The following PATJ variants were observed in gnomAD, a reference collection of about 807,000 sequenced individuals.
PATJ encodes PATJ crumbs cell polarity complex component.
PATJ carries 190 observed loss-of-function variants against 224.9 expected under a neutral mutation model. The observed-to-expected ratio is 0.84, with a 90% CI of 0.75 to 0.95. PATJ has a LOEUF of 0.95. PATJ is among the 40% of genes least tolerant of loss of function. PATJ has a pLI of 0.00. For synonymous variants in PATJ, 769 were observed against 820.3 expected (o/e 0.94, Z 1.07); for missense variants, 2,121 against 2,270.3 (o/e 0.93, Z 1.34).
In PATJ at chr1:61,869,167, C is replaced by T. The variant is rs373650777; in HGVS notation, c.2835+4534C>T. Among the ~76,000 whole-genome samples, 269 of 135,120 alleles carry T rather than the reference C, an allele frequency of 2.0e-3. 2 individuals are homozygous for T. Among genetic ancestry groups the T allele is most frequent in the African/African-American group, 7.0e-3 (236 of 33,590 alleles). 88.6% of individuals were successfully genotyped at this position (135,120 alleles called of 152,430 possible). On this transcript the variant is annotated intron_variant, in intron 20 of 43. Coordinates refer to ENST00000642238, the MANE Select transcript of PATJ (RefSeq NM_001350145.3). ...TGTCGCCCAGGCTGGAGTGCAGTGG[C>T]GCCATCTCGGCTCACTGCAAGCTCC...
intron 18 of PATJ, among the ~76,000 whole-genome samples, chr1:61,857,203 A>G: frequency 6.6e-6 from 1 of 152,274 alleles, no homozygotes; most frequent in African/African-American, 2.4e-5. Context: ...CACCACCACC[A>G]ACAACAAAAA....
intron 27 of PATJ, among the ~76,000 whole-genome samples, chr1:61,951,669 T>G (rs1679705750): frequency 6.6e-6 from 1 of 152,140 alleles, no homozygotes; most frequent in South Asian, 2.1e-4. Context: ...GAAAGCTAAC[T>G]TGAAGGCTTG....
At chr1:61,925,502 A>G (rs1454494814) in intron 26 of PATJ, among the ~76,000 whole-genome samples, 2 of 152,220 alleles carry the variant, frequency 1.3e-5, no homozygotes, top group Non-Finnish European at 2.9e-5. Context: ...AACTGGAAAT[A>G]AAAATCAGAG....
intron 27 of PATJ, among the ~76,000 whole-genome samples, chr1:61,977,854 G>A (rs943788423): frequency 1.4e-4 from 21 of 147,580 alleles, no homozygotes; most frequent in Non-Finnish European, 7.4e-5. Context: ...AATAGCCACT[G>A]TACTCTAGCC....
At position 61,980,413 on chromosome 1, in the gene PATJ, G is replaced by A. The variant is rs1028666640; in HGVS notation, c.3671-9755G>A. 3.3e-5 allele frequency among the ~76,000 whole-genome samples: 5 copies of A among 150,822 alleles called. 1 individual carries two copies. Among genetic ancestry groups the A allele is most frequent in the Non-Finnish European group, 5.9e-5 (4 of 67,842 alleles). On this transcript the variant is annotated intron_variant, in intron 27 of 43. Coordinates refer to ENST00000642238, the MANE Select transcript of PATJ (RefSeq NM_001350145.3). The stretch of plus-strand genomic sequence containing the variant: ...ATTATAACACTTTTGATATTTTGTT[G>A]CCAAAAGCTAGTACTTATATAATTT...
chr1:61,910,906 T>C (rs1402447058), intron 25 of PATJ, among the ~76,000 whole-genome samples: 1 of 152,184 alleles, frequency 6.6e-6, no homozygotes, highest in Non-Finnish European at 1.5e-5. Context: ...TTCATGTCTT[T>C]GTAAAATGGT....
intron 11 of PATJ, among the ~76,000 whole-genome samples, chr1:61,801,241 G>T (rs1209099705): frequency 6.6e-6 from 1 of 152,146 alleles, no homozygotes; most frequent in African/African-American, 2.4e-5. Context: ...TCCAGCACCT[G>T]TTGTTTCCTG....
intron 33 of PATJ, among the ~76,000 whole-genome samples, chr1:62,094,313 A>C (rs1661126749): frequency 6.6e-6 from 1 of 152,102 alleles, no homozygotes; most frequent in Admixed American, 6.6e-5. Context: ...AGGATTGTCT[A>C]AGTCTGGGAC....
intron 28 of PATJ, among the ~76,000 whole-genome samples, chr1:61,991,308 T>C (rs562752244): frequency 3.3e-5 from 5 of 152,312 alleles, no homozygotes; most frequent in African/African-American, 1.2e-4. Context: ...TAGGATTCAA[T>C]GGCAGGCAGT....
At chr1:62,058,798 G>A (rs1482452447) in intron 31 of PATJ, among the ~76,000 whole-genome samples, 2 of 152,144 alleles carry the variant, frequency 1.3e-5, no homozygotes, top group African/African-American at 4.8e-5. Flanking sequence ...GTGAAGATAA[G>A]TAAGACCGCT....
At chr1:61,925,532 G>A (rs1675064024) in intron 26 of PATJ, among the ~76,000 whole-genome samples, 1 of 152,080 alleles carries the variant, frequency 6.6e-6, no homozygotes, top group Non-Finnish European at 1.5e-5. Flanking sequence ...AAAAAGCAAA[G>A]TTTGTTGCCA....
At chr1:62,027,514 T>A in intron 29 of PATJ, among the ~76,000 whole-genome samples, 1 of 152,320 alleles carries the variant, frequency 6.6e-6, no homozygotes, top group South Asian at 2.1e-4. Flanking sequence ...ACAGTTATTC[T>A]ATTTTTAATT....
At chr1:61,791,004 G>A (rs1399152837) in intron 8 of PATJ, among the ~76,000 whole-genome samples, 1 of 152,128 alleles carries the variant, frequency 6.6e-6, no homozygotes, top group Non-Finnish European at 1.5e-5. Flanking sequence ...GCTCCTTAAG[G>A]TCCCCTGCAT....
intron 41 of PATJ, among the ~76,000 whole-genome samples, chr1:62,137,348 T>C (rs373458575): frequency 8.1e-5 from 11 of 135,456 alleles, no homozygotes; most frequent in East Asian, 4.6e-4. Context: ...GGGAAACCCA[T>C]TGGCAGAAGG....
chr1:61,915,709 T>A (rs1297361059), intron 26 of PATJ, among the ~76,000 whole-genome samples: 2 of 150,840 alleles, frequency 1.3e-5, no homozygotes, highest in African/African-American at 2.4e-5. Flanking sequence ...TTTTTTTTTG[T>A]TTTTGGGAGA....
chr1:62,122,386 CCA>C (rs1184905905), intron 38 of PATJ, among the ~76,000 whole-genome samples: 1 of 135,280 alleles, frequency 7.4e-6, no homozygotes, highest in African/African-American at 2.9e-5. Flanking sequence ...AAAAAAAAAA[CCA>C]CACACACACA....
At chr1:62,146,664 C>T (rs886960258) in intron 41 of PATJ, among the ~76,000 whole-genome samples, 5 of 152,126 alleles carry the variant, frequency 3.3e-5, no homozygotes, top group African/African-American at 1.2e-4. Flanking sequence ...GTAATCCCAG[C>T]TACTCGGGAG....
intron 24 of PATJ, among the ~76,000 whole-genome samples, chr1:61,901,745 C>T (rs1272038534): frequency 1.3e-5 from 2 of 152,188 alleles, no homozygotes; most frequent in Non-Finnish European, 2.9e-5. Context: ...AGGCATTATG[C>T]TTCTCCCACA....
rs560218361 is a variant in PATJ at position 61,770,911 on chromosome 1, G to GA, written c.525-504dup. 6.5e-3 allele frequency among the ~76,000 whole-genome samples: 772 copies of GA among 119,464 alleles called. 6 individuals are homozygous for GA. Among genetic ancestry groups the GA allele is most frequent in the African/African-American group, 0.017 (542 of 31,340 alleles). 78.4% of individuals were successfully genotyped at this position (119,464 alleles called of 152,430 possible). On this transcript the variant is annotated intron_variant, in intron 5 of 43. Transcript: ENST00000642238. ...GGCAAATAGGAGTGAGACCATGCCT[G>GA]AAAAAAAAAAAAAAAAGCTCAGATA...
Sources: gnomAD v4.1 joint callset for allele counts (sites outside exome capture counted in the v4.1 genomes callset) on GRCh38, gnomAD v4.1.1 for gene constraint, MANE v1.5 for transcripts, NCBI Gene and HGNC (gene_info 2026-07-23, HGNC 2026-07-21) for gene names.